FER: variants seen among roughly 807,000 people sequenced by gnomAD.
The protein encoded by FER is tyrosine-protein kinase Fer.
In FER, 63 loss-of-function variants were observed where a neutral mutation model predicts 111.0. The observed-to-expected ratio is 0.57, with a 90% CI of 0.46 to 0.70. The LOEUF (loss-of-function observed/expected upper bound fraction) is 0.70. Ranked by LOEUF, FER falls within the 30% of genes least tolerant of loss-of-function variation. The probability of loss-of-function intolerance (pLI) is 0.00; values close to 1 mark genes in which losing one functional copy is unlikely to be tolerated. For missense variants in FER, 914 were observed against 954.0 expected (o/e 0.96, Z 0.55); for synonymous variants, 327 against 313.9 (o/e 1.04, Z -0.44).
chr5:109,146,652 G>T (rs898788908), intron 17 of FER, among the ~76,000 whole-genome samples: 2 of 151,808 alleles, frequency 1.3e-5, no homozygotes, highest in East Asian at 3.9e-4. Flanking sequence ...CATATATATC[G>T]TATAATTATG....
intron 2 of FER, among the ~76,000 whole-genome samples, chr5:108,796,519 T>C (rs1756036990): frequency 6.6e-6 from 1 of 151,906 alleles, no homozygotes; most frequent in African/African-American, 2.4e-5. Flanking sequence ...AGCCAAGGAG[T>C]AGAGTCAAAA....
chr5:108,879,697 AAAAAATATATAT>A (rs1471149032), intron 8 of FER, among the ~76,000 whole-genome samples: 12 of 96,042 alleles, frequency 1.2e-4, no homozygotes, highest in African/African-American at 6.7e-4. Flanking sequence ...TTAGATTAAA[AAAAAATATATAT>A]ATATATATAT....
chr5:109,135,623 T>C (rs72796587), intron 17 of FER, among the ~76,000 whole-genome samples: 3 of 152,216 alleles, frequency 2.0e-5, no homozygotes, highest in Non-Finnish European at 4.4e-5. Flanking sequence ...GGCAATAGAC[T>C]ATAGCCTCCC....
At chr5:109,017,963 CTCTA>C (rs1767409375) in intron 13 of FER, among the ~76,000 whole-genome samples, 1 of 151,760 alleles carries the variant, frequency 6.6e-6, no homozygotes, top group Non-Finnish European at 1.5e-5. Flanking sequence ...TTTTCATTTT[CTCTA>C]TAGATTCTCT....
chr5:108,958,744 A>G (rs893928846), intron 12 of FER, among the ~76,000 whole-genome samples: 2 of 151,906 alleles, frequency 1.3e-5, no homozygotes, highest in South Asian at 2.1e-4. Flanking sequence ...TAGAAAATAA[A>G]TGATCAGATG....
At chr5:109,092,816 ATTTCGGTGTGATTC>A (rs1746992483) in intron 16 of FER, among the ~76,000 whole-genome samples, 1 of 152,216 alleles carries the variant, frequency 6.6e-6, no homozygotes, top group African/African-American at 2.4e-5. Flanking sequence ...ACTTGTGTTC[ATTTCGGTGTGATTC>A]ACAACAACCA....
chr5:108,843,056 A>G (rs1761439521), intron 5 of FER: 1 of 152,234 alleles, frequency 6.6e-6, no homozygotes, highest in South Asian at 2.1e-4. Flanking sequence ...GAGTGTATAC[A>G]GAGTGCTCCT....
chr5:108,829,411 G>A lies in FER; in HGVS notation c.208-3359G>A, dbSNP rs1759804122. ...CCAGCACTTTGGGAGGCTGAGGTGG[G>A]AAGATCACTCAAACTCAGGAGTTTA... On this transcript the variant is annotated intron_variant, in intron 3 of 19. Coordinates refer to ENST00000281092, the MANE Select transcript of FER (RefSeq NM_005246.4). 2.0e-5 allele frequency among the ~76,000 whole-genome samples: 3 copies of A among 152,166 alleles called. No homozygotes were observed. In the South Asian group the frequency reaches 6.2e-4, roughly 32 times the overall value.
Position 109,037,488 on chromosome 5 carries a change from C to A in FER, c.1713+10C>A. The A allele has an allele frequency of 6.2e-7, 1 of 1,607,802 alleles. No individual in the cohort carries two copies. The highest frequency in any genetic ancestry group is 1.1e-5 in the South Asian group (1 of 90,678). On this transcript the variant is annotated intron_variant, in intron 14 of 19. Coordinates refer to ENST00000281092, the MANE Select transcript of FER (RefSeq NM_005246.4). ...AGAATTACTGGGCAAGGTATGTAAT[C>A]AACTGAGCTAAATAACCAGAAGTCT...
chr5:108,825,740 C>A (rs1292149682), intron 3 of FER, among the ~76,000 whole-genome samples: 2 of 152,162 alleles, frequency 1.3e-5, no homozygotes, highest in Admixed American at 6.5e-5. Context: ...TAAAGACAGG[C>A]ATAAGAAATT....
chr5:109,017,566 A>G (rs909642446), intron 13 of FER, among the ~76,000 whole-genome samples: 2 of 151,998 alleles, frequency 1.3e-5, no homozygotes. Context: ...AATTCATAAG[A>G]AAAGAGATAA....
At chr5:108,873,818 A>G (rs907771834) in intron 8 of FER, among the ~76,000 whole-genome samples, 3 of 152,210 alleles carry the variant, frequency 2.0e-5, no homozygotes, top group Non-Finnish European at 2.9e-5. Context: ...TACAGTGCAC[A>G]GGACAGCCTC....
intron 13 of FER, among the ~76,000 whole-genome samples, chr5:109,009,044 CTTTTTTT>C (rs1030906789): frequency 4.3e-5 from 5 of 116,014 alleles, no homozygotes; most frequent in Non-Finnish European, 6.9e-5. Flanking sequence ...CCTCTTCAGT[CTTTTTTT>C]TTTTTTTTTT....
chr5:109,096,956 G>C (rs987215145), intron 16 of FER, among the ~76,000 whole-genome samples: 2 of 147,990 alleles, frequency 1.4e-5, no homozygotes, highest in African/African-American at 4.9e-5. Context: ...ATTTGTAACA[G>C]TATATAAATA....
At chr5:108,953,853 C>G (rs3797822) in intron 11 of FER, among the ~76,000 whole-genome samples, 8,885 of 152,064 alleles carry the variant, frequency 0.058, 580 homozygotes, top group African/African-American at 0.16. Flanking sequence ...AAAGTACTCT[C>G]TCTATCTGGA....
chr5:108,860,957 A>G lies in FER; in HGVS notation c.482-6810A>G, dbSNP rs555322873. 9.9e-5 allele frequency among the ~76,000 whole-genome samples: 15 copies of G among 152,236 alleles called. 1 individual carries two copies. The highest frequency in any genetic ancestry group is 8.5e-4 in the Admixed American group (13 of 15,284). On this transcript the variant is annotated intron_variant, in intron 5 of 19. Transcript: ENST00000281092. ...CCACCAGATCTTCTGAGAACTCACT[A>G]TCACAAGAACAGCATGGGGGTAAAA...
intron 16 of FER, among the ~76,000 whole-genome samples, chr5:109,098,911 G>A (rs1747867591): frequency 6.6e-6 from 1 of 151,576 alleles, no homozygotes; most frequent in African/African-American, 2.4e-5. Flanking sequence ...GAAAAGAAGA[G>A]GATATTTAAA....
Position 108,847,245 on chromosome 5 carries a change from A to AT in FER, c.481+11445dup, listed in dbSNP as rs577665112. 6.1e-3 allele frequency among the ~76,000 whole-genome samples: 919 copies of AT among 149,450 alleles called. 7 individuals carry two copies. Among genetic ancestry groups the AT allele is most frequent in the Non-Finnish European group, 0.011 (752 of 67,184 alleles). On this transcript the variant is annotated intron_variant, in intron 5 of 19. Transcript: ENST00000281092. ...ATGCTTTCTAATTTCCTTTTTGATT[A>AT]TTTTTTTGTGTGTGTTTTTCTTTGA... is the stretch of plus-strand genomic sequence containing the variant.
At chr5:109,097,847 C>A (rs1293791252) in intron 16 of FER, among the ~76,000 whole-genome samples, 2 of 151,682 alleles carry the variant, frequency 1.3e-5, no homozygotes, top group Non-Finnish European at 3.0e-5. Flanking sequence ...AATAATGATT[C>A]ATAATTATTT....
Sources: gnomAD v4.1 joint callset for allele counts (sites outside exome capture counted in the v4.1 genomes callset) on GRCh38, gnomAD v4.1.1 for gene constraint, MANE v1.5 for transcripts, NCBI Gene and HGNC (gene_info 2026-07-23, HGNC 2026-07-21) for gene names.